The following EME2 variants were observed in gnomAD, a reference collection of about 807,000 sequenced individuals.
EME2 encodes the protein essential meiotic structure-specific endonuclease subunit 2.
In EME2, 58 loss-of-function variants were observed where a neutral mutation model predicts 41.9. The ratio of observed to expected loss-of-function variants is 1.38; its 90% CI spans 1.12 to 1.72. EME2 has a LOEUF of 1.72. Ranked by LOEUF, EME2 falls within the 40% of genes most tolerant of loss-of-function variation. The pLI is 0.00. For missense variants in EME2, 695 were observed against 541.9 expected (o/e 1.28, Z -2.81); for synonymous variants, 334 against 239.3 (o/e 1.40, Z -3.65).
chr16:1,773,642 C>T (rs1596846172), intron 1 of EME2, 63 bp from the exon 2 acceptor site: 2 of 1,545,070 alleles, frequency 1.3e-6, no homozygotes, highest in South Asian at 2.4e-5. Context: ...GGCCACCCGC[C>T]CAGGTAGGGC....
Position 1,775,957 on chromosome 16 carries a change from G to T in EME2, c.940G>T (p.Ala314Ser). ...SPAVADAVVTAFPSPRLLQQA... is the reference protein window; with the variant it reads ...SPAVADAVVTSFPSPRLLQQA... ...AGCCGTGGCTGATGCAGTTGTCACA[G>T]CCTTCCCCTCCCCCCGCCTTCTGCA... is the stretch of plus-strand genomic sequence containing the variant. The change falls in exon 7 of 8, where the codon GCC becomes TCC. Residue 314 changes from alanine (A) to serine (S), a missense_variant. Coordinates refer to ENST00000568449, the MANE Select transcript of EME2 (RefSeq NM_001257370.2). 6.2e-7 allele frequency: 1 copy of T among 1,610,656 alleles called. No homozygotes were observed.
Position 1,778,158 on chromosome 16 carries a change from G to C in EME2, c.*1920G>C. 6.2e-7 allele frequency: 1 copy of C among 1,612,720 alleles called. No homozygotes were observed. Among genetic ancestry groups the C allele is most frequent in the East Asian group, 2.2e-5 (1 of 44,876 alleles). On this transcript the variant is annotated 3_prime_UTR_variant, in exon 8 of 8. Transcript: ENST00000568449. ...CCATGTCGGTGCCGTAGACGGGAGA[G>C]GTCATCTTGATCTCCCAGAAGTGCT...
chr16:1,779,237 C>A lies in EME2; in HGVS notation c.*2999C>A, dbSNP rs1369640910. ...GTTCTCCTTGGTCCTGATTCTTGGC[C>A]TCCTCCCACCAGAACGTGAGCTCCT... On this transcript the variant is annotated 3_prime_UTR_variant, in exon 8 of 8. Coordinates refer to ENST00000568449, the MANE Select transcript of EME2 (RefSeq NM_001257370.2). 1 of 152,462 alleles carries A rather than the reference C, an allele frequency of 6.6e-6. No homozygotes were observed. Among genetic ancestry groups the A allele is most frequent in the African/African-American group, 2.4e-5 (1 of 41,464 alleles). The allele number at this position is 152,462 out of a possible 1,614,324, so 9.4% of individuals were successfully genotyped here. A position where few individuals can be genotyped will look rare whatever the true frequency, so the allele number is the denominator to read the frequency against.
rs138724055 is a variant in EME2, at chr16:1,777,138, C to T, written c.*900C>T. The T allele has an allele frequency of 2.9e-5, 46 of 1,611,652 alleles. No individual in the cohort carries two copies. The African/African-American group carries it at 3.5e-4, about 12-fold the overall frequency. ...CGCTTCCTCTGGCAGGGCCGAGGCT[C>T]GCGACTGCTGGGGTGGGCGGAGGTC... is the stretch of plus-strand genomic sequence containing the variant. On this transcript the variant is annotated 3_prime_UTR_variant, in exon 8 of 8. Coordinates refer to ENST00000568449, the MANE Select transcript of EME2 (RefSeq NM_001257370.2).
rs3803571 is a variant in EME2 at position 1,775,289 on chromosome 16, G to A, written c.570-26G>A. Reference sequence around the variant, plus strand: ...GGGCAGGGCAGGCCCCATGGGGAGCGGGGAGGAATGGTCACCTCTGCTCAG... The same window carrying A: ...GGGCAGGGCAGGCCCCATGGGGAGCAGGGAGGAATGGTCACCTCTGCTCAG... On this transcript the variant is annotated intron_variant, in intron 4 of 7. Coordinates refer to ENST00000568449, the MANE Select transcript of EME2 (RefSeq NM_001257370.2). 2.9e-3 allele frequency: 4,672 copies of A among 1,608,040 alleles called. 107 individuals carry two copies. In the African/African-American group the frequency reaches 0.052, roughly 18 times the overall value.
At chr16:1,774,994 G>A (rs767105054) in intron 3 of EME2, 47 bp from the exon 4 acceptor site, 2 of 1,509,744 alleles carry the variant, frequency 1.3e-6, no homozygotes, top group Non-Finnish European at 9.1e-7. Flanking sequence ...CATGGCCATA[G>A]GCCGCAGCCT....
rs1339995488 is a variant in EME2 at position 1,773,851 on chromosome 16, C to T, written c.384+10C>T. The T allele has an allele frequency of 1.3e-6, 2 of 1,532,274 alleles. No homozygotes were observed. Among genetic ancestry groups the T allele is most frequent in the Admixed American group, 2.0e-5 (1 of 49,290 alleles). The allele number at this position is 1,532,274 out of a possible 1,614,324, so 94.9% of individuals were successfully genotyped here. A position where few individuals can be genotyped will look rare whatever the true frequency, so the allele number is the denominator to read the frequency against. ...CCCCTGCCCCCGCAGCGTGAGTGGT[C>T]GCGGGTTCCCGAGGGCCAGCCGCGA... On this transcript the variant is annotated intron_variant, in intron 2 of 7. Transcript: ENST00000568449.
At chr16:1,776,008 G>T in intron 7 of EME2, 22 bp downstream of exon 7, 1 of 1,606,916 alleles carries the variant, frequency 6.2e-7, no homozygotes. Flanking sequence ...CCTCCTCCAA[G>T]CCCTCCAGGT....
chr16:1,776,013 C>T (rs762160902), intron 7 of EME2, 27 bp downstream of exon 7: 9 of 1,606,658 alleles, frequency 5.6e-6, no homozygotes, highest in Non-Finnish European at 6.8e-6. Context: ...TCCAAGCCCT[C>T]CAGGTGCAGA....
Position 1,777,111 on chromosome 16 carries a change from A to G in EME2, c.*873A>G. 6.2e-7 allele frequency: 1 copy of G among 1,611,260 alleles called. No homozygotes were observed. Among genetic ancestry groups the G allele is most frequent in the Non-Finnish European group, 8.5e-7 (1 of 1,179,086 alleles). Reference sequence around the variant, plus strand: ...TGGGAAGTCAGTCAGGTCCGGCGGCAGCGCTTCCTCTGGCAGGGCCGAGGC... The same window carrying G: ...TGGGAAGTCAGTCAGGTCCGGCGGCGGCGCTTCCTCTGGCAGGGCCGAGGC... On this transcript the variant is annotated 3_prime_UTR_variant, in exon 8 of 8. Transcript: ENST00000568449.
chr16:1,773,564 G>A, intron 1 of EME2, 90 bp downstream of exon 1: 1 of 1,514,802 alleles, frequency 6.6e-7, no homozygotes, highest in South Asian at 1.3e-5. Flanking sequence ...GGGCGCGCGT[G>A]CCGAGGGGCC....
Position 1,781,147 on chromosome 16 carries a change from C to T in EME2, c.*4909C>T, listed in dbSNP as rs1295507327. On this transcript the variant is annotated 3_prime_UTR_variant, in exon 8 of 8. Coordinates refer to ENST00000568449, the MANE Select transcript of EME2 (RefSeq NM_001257370.2). ...AATGCAGTGTGTTCTGAGGTCCTGT[C>T]ACCCCTGAGGCTGTGTGTGTCCTTT... 2 of 1,518,770 alleles carry T rather than the reference C, an allele frequency of 1.3e-6. No homozygotes were observed. The highest frequency in any genetic ancestry group is 2.4e-5 in the South Asian group (2 of 82,426). 94.1% of individuals were successfully genotyped at this position (1,518,770 alleles called of 1,614,324 possible).
rs778523436 is a variant in EME2 at position 1,777,784 on chromosome 16, G to C, written c.*1546G>C. The C allele has an allele frequency of 6.2e-7, 1 of 1,612,804 alleles. No individual in the cohort carries two copies. Among genetic ancestry groups the C allele is most frequent in the Non-Finnish European group, 8.5e-7 (1 of 1,179,930 alleles). ...TGTTCTTGAAAAAGGTGAGTGTGCCGTGCCAGGTGTCCAGGTGCACGCCAA... is the reference window on the plus strand; with the variant it reads ...TGTTCTTGAAAAAGGTGAGTGTGCCCTGCCAGGTGTCCAGGTGCACGCCAA... On this transcript the variant is annotated 3_prime_UTR_variant, in exon 8 of 8. Coordinates refer to ENST00000568449, the MANE Select transcript of EME2 (RefSeq NM_001257370.2).
chr16:1,772,823 C>A lies in EME2; in HGVS notation c.-405C>A, dbSNP rs1182604102. 2.8e-6 allele frequency: 4 copies of A among 1,444,760 alleles called. No individual in the cohort carries two copies. The highest frequency in any genetic ancestry group is 3.6e-6 in the Non-Finnish European group (4 of 1,103,986). 89.5% of individuals were successfully genotyped at this position (1,444,760 alleles called of 1,614,324 possible). On this transcript the variant is annotated 5_prime_UTR_variant, in exon 1 of 8. Coordinates refer to ENST00000568449, the MANE Select transcript of EME2 (RefSeq NM_001257370.2). ...CCTGCGCCGTGTAGTCGGGCCGCAC[C>A]CGCGTGAGGCGCCAGTAGCACGGCT...
In EME2 at chr16:1,777,615, C is replaced by A; in HGVS notation, c.*1377C>A. The A allele has an allele frequency of 6.8e-7, 1 of 1,471,564 alleles. No homozygotes were observed. Among genetic ancestry groups the A allele is most frequent in the East Asian group, 2.3e-5 (1 of 43,438 alleles). The allele number at this position is 1,471,564 out of a possible 1,614,324, so 91.2% of individuals were successfully genotyped here. ...CAGCCTGGCCTCACTGTCCCACCCC[C>A]TGGGACCCTGGGGCCTCAGGCTTCT... On this transcript the variant is annotated 3_prime_UTR_variant, in exon 8 of 8. Transcript: ENST00000568449.
At position 1,773,785 on chromosome 16, in the gene EME2, C is replaced by G. The variant is rs755997861; in HGVS notation, c.328C>G (p.Arg110Gly). 1.2e-5 allele frequency: 18 copies of G among 1,552,622 alleles called. No individual in the cohort carries two copies. Among genetic ancestry groups the G allele is most frequent in the Non-Finnish European group, 1.6e-5 (18 of 1,149,926 alleles). ...CTGCGAGTGCCGCATCGAGCCCCAG[C>G]GCCCGGCCCGCAGCCTGCGGTGGAC... ...LGCECRIEPQ[R>G]PARSLRWTRA... The change falls in exon 2 of 8, where the codon CGC (arginine) becomes GGC (glycine). Residue 110 changes from arginine (R) to glycine (G), a missense_variant. Transcript: ENST00000568449.
At position 1,778,428 on chromosome 16, in the gene EME2, C is replaced by G. The variant is rs375566827; in HGVS notation, c.*2190C>G. On this transcript the variant is annotated 3_prime_UTR_variant, in exon 8 of 8. Coordinates refer to ENST00000568449, the MANE Select transcript of EME2 (RefSeq NM_001257370.2). ...CAGTCCCAGCAGGGGCTGGGCCCCA[C>G]GCTCACACTCGTCTTCCTCTCCGCA... The G allele has an allele frequency of 6.2e-6, 10 of 1,607,082 alleles. 1 individual carries two copies. In the South Asian group the frequency reaches 1.1e-4, roughly 18 times the overall value.
At position 1,781,188 on chromosome 16, in the gene EME2, CTT is replaced by C; in HGVS notation, c.*4951_*4952del. ...TGTGTCCTTTGCCAAATTAAAGAGT[CTT>C]ACTGAATGCGGTGCATCCAGGAGAC... On this transcript the variant is annotated 3_prime_UTR_variant, in exon 8 of 8. Transcript: ENST00000568449. 2 of 1,542,870 alleles carry C rather than the reference CTT, an allele frequency of 1.3e-6. No individual in the cohort carries two copies. Among genetic ancestry groups the C allele is most frequent in the Non-Finnish European group, 8.7e-7 (1 of 1,150,510 alleles).
At position 1,773,346 on chromosome 16, in the gene EME2, ACTC is replaced by A; in HGVS notation, c.121_123del (p.Ser41del). ...GAGATCTCAGACTCCGACGCTGAGG[ACTC>A]CGCCGGCTCGGAGGCCGCCGCGAGA... is the stretch of plus-strand genomic sequence containing the variant. On this transcript the variant is annotated inframe_deletion, in exon 1 of 8. Transcript: ENST00000568449. 6.6e-7 allele frequency: 1 copy of A among 1,518,788 alleles called. No individual in the cohort carries two copies. The highest frequency in any genetic ancestry group is 8.7e-7 in the Non-Finnish European group (1 of 1,143,532). 94.1% of individuals were successfully genotyped at this position (1,518,788 alleles called of 1,614,324 possible).
Sources: allele counts gnomAD v4.1 joint callset, GRCh38; gene constraint gnomAD v4.1.1; transcripts MANE v1.5; gene names NCBI Gene and HGNC (gene_info 2026-07-23, HGNC 2026-07-21).